The following KAZN variants were observed in gnomAD, a reference collection of about 807,000 sequenced individuals.
KAZN encodes kazrin.
A neutral mutation model predicts 87.4 loss-of-function variants in KAZN; 40 were observed. That is an observed-to-expected ratio of 0.46 (90% CI 0.36 to 0.60). The LOEUF (loss-of-function observed/expected upper bound fraction) is 0.60, where lower values mean the gene tolerates loss of function less well. Among genes scored for constraint, KAZN ranks in the 20% least tolerant of loss-of-function variants. The probability of loss-of-function intolerance (pLI) is 0.00; values close to 1 mark genes in which losing one functional copy is unlikely to be tolerated. For missense variants in KAZN, 898 were observed against 1,073.9 expected, an observed-to-expected ratio of 0.84 and a Z score of 2.29; for synonymous variants, 466 against 458.3, an observed-to-expected ratio of 1.02 and a Z score of -0.22.
intron 1 of KAZN, among the ~76,000 whole-genome samples, chr1:14,122,221 T>C (rs1471177030): frequency 6.6e-6 from 1 of 152,096 alleles, no homozygotes; most frequent in African/African-American, 2.4e-5. Context: ...AAAGAAGAAA[T>C]AAAAGAATTT....
chr1:14,311,897 G>A (rs1449211764), intron 2 of KAZN, among the ~76,000 whole-genome samples: 2 of 152,126 alleles, frequency 1.3e-5, no homozygotes, highest in Non-Finnish European at 1.5e-5. Context: ...TGCAGCAGGG[G>A]AAGTATGCTA....
At chr1:13,974,815 G>A (rs973198009) in intron 1 of KAZN, among the ~76,000 whole-genome samples, 1 of 152,064 alleles carries the variant, frequency 6.6e-6, no homozygotes, top group Non-Finnish European at 1.5e-5. Context: ...GTTTGTAATG[G>A]CAGCCCCAGA....
At chr1:14,424,850 T>C (rs1408382331) in intron 2 of KAZN, among the ~76,000 whole-genome samples, 1 of 152,202 alleles carries the variant, frequency 6.6e-6, no homozygotes, top group South Asian at 2.1e-4. Context: ...CCAGGCCCCA[T>C]CTGCTTGCTG....
At chr1:14,034,142 C>A (rs1206969810) in intron 1 of KAZN, among the ~76,000 whole-genome samples, 10 of 152,164 alleles carry the variant, frequency 6.6e-5, no homozygotes, top group Non-Finnish European at 1.5e-4. Flanking sequence ...TTCCTTTTTA[C>A]CTTGATTTTT....
chr1:14,552,411 C>A (rs964658406), intron 2 of KAZN, among the ~76,000 whole-genome samples: 2 of 152,230 alleles, frequency 1.3e-5, no homozygotes, highest in African/African-American at 4.8e-5. Flanking sequence ...AGATCCCCAC[C>A]CTCCGTACCA....
chr1:14,416,946 GTA>G (rs1664818684), intron 2 of KAZN, among the ~76,000 whole-genome samples: 1 of 150,382 alleles, frequency 6.6e-6, no homozygotes. Context: ...GTGTGAGCGT[GTA>G]TATGTGTATG....
chr1:14,603,902 A>C (rs1227469476), intron 1 of KAZN, among the ~76,000 whole-genome samples: 1 of 152,172 alleles, frequency 6.6e-6, no homozygotes, highest in Non-Finnish European at 1.5e-5. Context: ...TGGGGCCCAG[A>C]AGGTCAAGCT....
intron 2 of KAZN, among the ~76,000 whole-genome samples, chr1:14,301,435 C>T (rs937732836): frequency 1.3e-5 from 2 of 152,214 alleles, no homozygotes; most frequent in Non-Finnish European, 2.9e-5. Context: ...ATGGGATTGA[C>T]TTTGGCTGCT....
rs192501055 is a variant in KAZN at position 14,268,749 on chromosome 1, C to G, written c.249+88157C>G. On this transcript the variant is annotated intron_variant, in intron 2 of 16. Coordinates refer to the KAZN transcript ENST00000636203. The stretch of plus-strand genomic sequence containing the variant: ...AGCAGTTATTGTAACTCACAAATTA[C>G]AGGTCCCAATTTTCACAGCCAGGTT... Among the ~76,000 whole-genome samples the G allele has an allele frequency of 7.2e-5, 11 of 152,308 alleles. No individual in the cohort carries two copies. In the East Asian group the frequency reaches 1.4e-3, roughly 19 times the overall value.
At chr1:14,165,334 C>T (rs1168647300) in intron 1 of KAZN, among the ~76,000 whole-genome samples, 1 of 152,086 alleles carries the variant, frequency 6.6e-6, no homozygotes, top group African/African-American at 2.4e-5. Flanking sequence ...GTCTACTCCA[C>T]TCCCTGCCTT....
chr1:14,748,065 C>A (rs979833881), intron 1 of KAZN, among the ~76,000 whole-genome samples: 2 of 152,210 alleles, frequency 1.3e-5, no homozygotes, highest in African/African-American at 2.4e-5. Flanking sequence ...AGGAGCTAAG[C>A]TTTCTGGACA....
intron 2 of KAZN, among the ~76,000 whole-genome samples, chr1:14,396,181 A>AC (rs1348304646): frequency 6.6e-6 from 1 of 151,804 alleles, no homozygotes; most frequent in Non-Finnish European, 1.5e-5. Flanking sequence ...AAAAAAAAAA[A>AC]AAACTGCAAC....
intron 2 of KAZN, among the ~76,000 whole-genome samples, chr1:14,561,457 G>A (rs1198072337): frequency 6.6e-6 from 1 of 152,168 alleles, no homozygotes; most frequent in Non-Finnish European, 1.5e-5. Flanking sequence ...GCTGCTTTGG[G>A]TCCAGTTCTT....
chr1:14,060,621 T>C (rs1481329599), intron 1 of KAZN, among the ~76,000 whole-genome samples: 1 of 152,194 alleles, frequency 6.6e-6, no homozygotes, highest in African/African-American at 2.4e-5. Flanking sequence ...CTCACTGCCC[T>C]GGAGCAGCTT....
chr1:13,947,670 A>T (rs753796877), intron 1 of KAZN, among the ~76,000 whole-genome samples: 1 of 152,252 alleles, frequency 6.6e-6, no homozygotes, highest in South Asian at 2.1e-4. Flanking sequence ...ACAGAAATTT[A>T]TCGTCTCACA....
intron 2 of KAZN, among the ~76,000 whole-genome samples, chr1:14,281,413 C>T (rs935694103): frequency 1.3e-5 from 2 of 152,196 alleles, no homozygotes; most frequent in Non-Finnish European, 1.5e-5. Flanking sequence ...AACTCAGTGC[C>T]GCTGAGCAAA....
chr1:14,660,769 C>T (rs1342715975), intron 1 of KAZN, among the ~76,000 whole-genome samples: 1 of 152,092 alleles, frequency 6.6e-6, no homozygotes, highest in Admixed American at 6.5e-5. Flanking sequence ...AATAACCAGG[C>T]GGCTGTGATT....
chr1:15,101,163 T>TG (rs1491239422), intron 10 of KAZN, among the ~76,000 whole-genome samples: 1 of 136,168 alleles, frequency 7.3e-6, no homozygotes, highest in Admixed American at 7.5e-5. Context: ...AGTCTCGGTC[T>TG]TTCTCTCTCT....
chr1:14,602,576 C>G (rs1677064177), intron 1 of KAZN, among the ~76,000 whole-genome samples: 1 of 152,178 alleles, frequency 6.6e-6, no homozygotes, highest in African/African-American at 2.4e-5. Flanking sequence ...AGCTGTTTTC[C>G]TCAGCATAAC....
Sources: allele counts gnomAD v4.1 joint callset (sites outside exome capture counted in the v4.1 genomes callset), GRCh38; gene constraint gnomAD v4.1.1; transcripts MANE v1.5; gene names NCBI Gene and HGNC (gene_info 2026-07-23, HGNC 2026-07-21).